The following TMTC2 variants were observed in gnomAD, a reference collection of about 807,000 sequenced individuals.
The protein encoded by TMTC2 is protein O-mannosyl-transferase TMTC2.
In TMTC2, 43 loss-of-function variants were observed where a neutral mutation model predicts 82.4. The observed-to-expected ratio is 0.52, with a 90% CI of 0.41 to 0.67. The LOEUF (loss-of-function observed/expected upper bound fraction) is 0.67. Ranked by LOEUF, TMTC2 falls within the 30% of genes least tolerant of loss-of-function variation. TMTC2 has a pLI of 0.00. For synonymous variants in TMTC2, 408 were observed against 381.9 expected (o/e 1.07, Z -0.80); for missense variants, 919 against 1,012.4 (o/e 0.91, Z 1.25).
At chr12:83,087,369 T>A (rs1420643008) in intron 11 of TMTC2, among the ~76,000 whole-genome samples, 2 of 152,236 alleles carry the variant, frequency 1.3e-5, no homozygotes, top group African/African-American at 4.8e-5. Context: ...GGAATTAACT[T>A]CTTCCTAACT....
intron 11 of TMTC2, among the ~76,000 whole-genome samples, chr12:83,065,731 A>G (rs1272819999): frequency 6.6e-6 from 1 of 151,930 alleles, no homozygotes; most frequent in African/African-American, 2.4e-5. Flanking sequence ...TGGGCATGAA[A>G]AAATGCTGAC....
chr12:83,050,948 A>G lies in TMTC2; in HGVS notation c.2197A>G (p.Met733Val), dbSNP rs1217850064. 2 of 1,613,398 alleles carry G rather than the reference A, an allele frequency of 1.2e-6. No homozygotes were observed. The highest frequency in any genetic ancestry group is 1.7e-6 in the Non-Finnish European group (2 of 1,179,652). ...EEARLIEAAE[M>V]AKKAAELDST... The stretch of plus-strand genomic sequence containing the variant: ...AGCTCGTCTCATAGAAGCAGCTGAG[A>G]TGGCAAAAAAAGCAGCTGAACTAGA... The change falls in exon 10 of 12, where the codon ATG becomes GTG. Residue 733 changes from methionine to valine, a missense_variant. Transcript: ENST00000321196.
rs149088367 is a variant in TMTC2, at chr12:82,996,217, T to C, written c.2070+10171T>C. ...ACAGTGGAGTTTACAGCTGAGTTTT[T>C]AATTTGAATGTGATGTATATAGTTT... On this transcript the variant is annotated intron_variant, in intron 8 of 11. Transcript: ENST00000321196. Among the ~76,000 whole-genome samples the C allele has an allele frequency of 4.2e-3, 638 of 152,326 alleles. 5 individuals are homozygous for C. The highest frequency in any genetic ancestry group is 0.015 in the African/African-American group (613 of 41,578).
chr12:83,072,609 T>C (rs889953982), intron 11 of TMTC2, among the ~76,000 whole-genome samples: 8 of 152,136 alleles, frequency 5.3e-5, no homozygotes, highest in African/African-American at 1.4e-4. Flanking sequence ...AGTATTGAAG[T>C]CCCCCACTAT....
chr12:82,911,102 T>G (rs1244792723), intron 3 of TMTC2, among the ~76,000 whole-genome samples: 2 of 152,068 alleles, frequency 1.3e-5, no homozygotes, highest in South Asian at 2.1e-4. Context: ...GGATGGTCTC[T>G]ATCTCCTGAC....
chr12:82,795,379 T>A (rs1388685617), intron 1 of TMTC2, among the ~76,000 whole-genome samples: 1 of 151,804 alleles, frequency 6.6e-6, no homozygotes, highest in East Asian at 1.9e-4. Flanking sequence ...CTGTACGTTA[T>A]ATCCACTATA....
At chr12:82,840,192 G>T (rs924514486) in intron 1 of TMTC2, among the ~76,000 whole-genome samples, 7 of 152,214 alleles carry the variant, frequency 4.6e-5, no homozygotes, top group Non-Finnish European at 8.8e-5. Flanking sequence ...AGTTAACCTA[G>T]TTACCTTATT....
intron 9 of TMTC2, among the ~76,000 whole-genome samples, chr12:83,041,318 A>G (rs1881886410): frequency 6.6e-6 from 1 of 152,162 alleles, no homozygotes; most frequent in Non-Finnish European, 1.5e-5. Flanking sequence ...ACCCAGCCCT[A>G]CTGCAGATTA....
At chr12:82,916,170 C>A (rs1049533503) in intron 3 of TMTC2, among the ~76,000 whole-genome samples, 1 of 152,118 alleles carries the variant, frequency 6.6e-6, no homozygotes, top group East Asian at 1.9e-4. Context: ...TAAACAGGAC[C>A]ACTATTTATG....
chr12:82,981,745 G>A (rs1006883742), intron 7 of TMTC2, among the ~76,000 whole-genome samples: 3 of 151,610 alleles, frequency 2.0e-5, no homozygotes, highest in Non-Finnish European at 4.4e-5. Context: ...AAGTGTCTTC[G>A]TTTCCTTCCT....
At chr12:83,013,059 G>C (rs1002547517) in intron 8 of TMTC2, among the ~76,000 whole-genome samples, 3 of 152,072 alleles carry the variant, frequency 2.0e-5, no homozygotes, top group Non-Finnish European at 4.4e-5. Context: ...TTTTGCTGTA[G>C]TTTTGCTGAA....
intron 9 of TMTC2, among the ~76,000 whole-genome samples, chr12:83,031,314 G>T (rs2137423378): frequency 6.6e-6 from 1 of 152,274 alleles, no homozygotes; most frequent in East Asian, 1.9e-4. Context: ...TGGAAGATAT[G>T]GATGTACACT....
chr12:82,784,885 TTTTG>T (rs1355838526), intron 1 of TMTC2, among the ~76,000 whole-genome samples: 1 of 151,936 alleles, frequency 6.6e-6, no homozygotes, highest in Non-Finnish European at 1.5e-5. Context: ...TGTGTCTTTT[TTTTG>T]TTTGTTTTGT....
intron 1 of TMTC2, among the ~76,000 whole-genome samples, chr12:82,813,049 G>T (rs1432520570): frequency 6.6e-6 from 1 of 151,934 alleles, no homozygotes; most frequent in East Asian, 1.9e-4. Flanking sequence ...TGTATATATG[G>T]ATCATTATGT....
At chr12:82,780,497 A>G (rs1877845455) in intron 1 of TMTC2, among the ~76,000 whole-genome samples, 1 of 152,032 alleles carries the variant, frequency 6.6e-6, no homozygotes. Flanking sequence ...TATAAAATGT[A>G]TCATACCGAT....
chr12:83,065,889 T>C (rs2137479849), intron 11 of TMTC2, among the ~76,000 whole-genome samples: 1 of 152,164 alleles, frequency 6.6e-6, no homozygotes, highest in Non-Finnish European at 1.5e-5. Context: ...CTGCTTTTAC[T>C]TGGCTTTTAG....
At chr12:82,761,726 C>T (rs555010953) in intron 1 of TMTC2, among the ~76,000 whole-genome samples, 2 of 152,054 alleles carry the variant, frequency 1.3e-5, no homozygotes, top group Admixed American at 6.5e-5. Flanking sequence ...GTGCTGTGTA[C>T]CCAGATTTCA....
intron 1 of TMTC2, among the ~76,000 whole-genome samples, chr12:82,713,040 C>T (rs1873706298): frequency 6.6e-6 from 1 of 152,104 alleles, no homozygotes; most frequent in Non-Finnish European, 1.5e-5. Context: ...GTTTAGGAGG[C>T]CAGGCGCAGT....
intron 11 of TMTC2, among the ~76,000 whole-genome samples, chr12:83,127,475 C>G (rs952225958): frequency 6.6e-6 from 1 of 151,992 alleles, no homozygotes; most frequent in Non-Finnish European, 1.5e-5. Context: ...CAGGGGTATC[C>G]AACTCCTGAC....
Sources: allele counts gnomAD v4.1 joint callset (sites outside exome capture counted in the v4.1 genomes callset), GRCh38; gene constraint gnomAD v4.1.1; transcripts MANE v1.5; gene names NCBI Gene and HGNC (gene_info 2026-07-23, HGNC 2026-07-21).